Variants in TENM3 observed in about 807,000 individuals in gnomAD.
The protein encoded by TENM3 is teneurin-3.
In TENM3, 63 loss-of-function variants were observed where a neutral mutation model predicts 255.1. The ratio of observed to expected loss-of-function variants is 0.25; its 90% CI spans 0.20 to 0.30. The LOEUF (loss-of-function observed/expected upper bound fraction) is 0.30, where lower values mean the gene tolerates loss of function less well. Ranked by LOEUF, TENM3 falls within the 10% of genes least tolerant of loss-of-function variation. TENM3 has a pLI of 1.00. For synonymous variants in TENM3, 1,306 were observed against 1,322.3 expected, an observed-to-expected ratio of 0.99 and a Z score of 0.27; for missense variants, 2,929 against 3,461.1, an observed-to-expected ratio of 0.85 and a Z score of 3.86.
At chr4:181,784,421 T>A in the TENM3 span, among the ~76,000 whole-genome samples, 21 of 152,074 alleles carry the variant, frequency 1.4e-4, no homozygotes, top group Non-Finnish European at 2.5e-4. Context: ...TAATAATTTT[T>A]AAAAATATAT....
At chr4:181,570,460 C>A in the TENM3 span, among the ~76,000 whole-genome samples, 43,904 of 151,292 alleles carry the variant, frequency 0.29, 6,481 homozygotes, top group Non-Finnish European at 0.33. Context: ...ATGATCACAC[C>A]ATTGCACTAC....
At chr4:181,747,579 A>G in the TENM3 span, among the ~76,000 whole-genome samples, 3 of 151,964 alleles carry the variant, frequency 2.0e-5, no homozygotes, top group African/African-American at 7.2e-5. Flanking sequence ...TGATTTAAAT[A>G]TTTTATTTGA....
At chr4:181,863,862 T>C in the TENM3 span, among the ~76,000 whole-genome samples, 1 of 152,096 alleles carries the variant, frequency 6.6e-6, no homozygotes, top group Non-Finnish European at 1.5e-5. Context: ...ACAATCAACA[T>C]ATTATAATAT....
intron 5 of TENM3, among the ~76,000 whole-genome samples, chr4:182,632,446 C>G (rs1751458064): frequency 6.6e-6 from 1 of 152,118 alleles, no homozygotes; most frequent in Admixed American, 6.6e-5. Context: ...TTTTATTATG[C>G]ATATTTTTAA....
At chr4:181,985,139 T>C in the TENM3 span, among the ~76,000 whole-genome samples, 4 of 152,028 alleles carry the variant, frequency 2.6e-5, no homozygotes, top group East Asian at 7.7e-4. Flanking sequence ...AAAGTATGTA[T>C]TTTGCTGCTT....
chr4:181,728,787 G>A, the TENM3 span, among the ~76,000 whole-genome samples: 1 of 152,122 alleles, frequency 6.6e-6, no homozygotes, highest in Non-Finnish European at 1.5e-5. Flanking sequence ...ATGCAGCCCA[G>A]CAGGTCTCAG....
the TENM3 span, among the ~76,000 whole-genome samples, chr4:182,027,249 A>G: frequency 6.6e-6 from 1 of 152,042 alleles, no homozygotes; most frequent in Non-Finnish European, 1.5e-5. Context: ...TGTAAATGGG[A>G]TTACTTTTTT....
chr4:181,858,734 C>T, the TENM3 span, among the ~76,000 whole-genome samples: 1 of 152,144 alleles, frequency 6.6e-6, no homozygotes, highest in African/African-American at 2.4e-5. Flanking sequence ...AAGAAAGGTA[C>T]AGCTTTTTCA....
the TENM3 span, among the ~76,000 whole-genome samples, chr4:181,799,166 C>A: frequency 1.3e-5 from 2 of 152,184 alleles, no homozygotes; most frequent in African/African-American, 4.8e-5. Flanking sequence ...TTTTGAGCAG[C>A]AGCAATTAGA....
At chr4:181,814,988 A>C in the TENM3 span, among the ~76,000 whole-genome samples, 5 of 152,336 alleles carry the variant, frequency 3.3e-5, no homozygotes, top group Admixed American at 1.3e-4. Context: ...TTAAATCTGA[A>C]AAAGGCCTAT....
At chr4:182,670,795 T>C (rs2152548002) in intron 6 of TENM3, among the ~76,000 whole-genome samples, 1 of 152,314 alleles carries the variant, frequency 6.6e-6, no homozygotes, top group East Asian at 1.9e-4. Flanking sequence ...TCTTCAATTC[T>C]GTTTCTCTTG....
At chr4:181,857,756 C>T in the TENM3 span, among the ~76,000 whole-genome samples, 1 of 151,714 alleles carries the variant, frequency 6.6e-6, no homozygotes, top group African/African-American at 2.4e-5. Flanking sequence ...GATCCTGTTC[C>T]CCCAAACAAA....
chr4:181,553,473 G>T, the TENM3 span, among the ~76,000 whole-genome samples: 11 of 151,868 alleles, frequency 7.2e-5, no homozygotes, highest in South Asian at 1.9e-3. Flanking sequence ...GCGGAGTCTG[G>T]CTCTGTCGCC....
chr4:182,535,129 C>T lies in TENM3; in HGVS notation c.512-65795C>T, dbSNP rs62339061. 8.6e-3 allele frequency among the ~76,000 whole-genome samples: 1,303 copies of T among 152,282 alleles called. 8 individuals are homozygous for T. Among genetic ancestry groups the T allele is most frequent in the Middle Eastern group, 0.014 (4 of 294 alleles). On this transcript the variant is annotated intron_variant, in intron 3 of 27. Coordinates refer to ENST00000511685, the MANE Select transcript of TENM3 (RefSeq NM_001080477.4). ...GGTAGCGTGGATTATAATAAGAAAA[C>T]AACAACCAAGCTGTACATTTTCCTT...
At chr4:182,354,446 G>GA (rs1287948733) in intron 3 of TENM3, among the ~76,000 whole-genome samples, 2 of 152,136 alleles carry the variant, frequency 1.3e-5, no homozygotes, top group Non-Finnish European at 2.9e-5. Context: ...CACTGAAATA[G>GA]AAAAAATAAG....
intron 6 of TENM3, among the ~76,000 whole-genome samples, chr4:182,660,438 G>T (rs959909707): frequency 6.6e-6 from 1 of 152,154 alleles, no homozygotes; most frequent in Non-Finnish European, 1.5e-5. Context: ...TCTTTATAGG[G>T]TAATATAAAG....
At chr4:181,536,208 A>T in the TENM3 span, among the ~76,000 whole-genome samples, 1 of 152,174 alleles carries the variant, frequency 6.6e-6, no homozygotes, top group Non-Finnish European at 1.5e-5. Context: ...CATTTCTACT[A>T]ATTAGATGCC....
chr4:182,336,548 C>A (rs1423027673), intron 2 of TENM3, among the ~76,000 whole-genome samples: 2 of 152,178 alleles, frequency 1.3e-5, no homozygotes, highest in African/African-American at 4.8e-5. Flanking sequence ...AAAAATAATT[C>A]CTGCTTCGGA....
In TENM3 at chr4:182,157,273, G is replaced by A. The variant is rs543503436; in HGVS notation, c.-76+12519G>A. Reference sequence around the variant, plus strand: ...CTTTCCCCCCAACCCAGTCGAGGCCGGAGATACCCAACAAAGTGGGGCATT... The same window carrying A: ...CTTTCCCCCCAACCCAGTCGAGGCCAGAGATACCCAACAAAGTGGGGCATT... On this transcript the variant is annotated intron_variant, in intron 1 of 2. Transcript: ENST00000512480. Among the ~76,000 whole-genome samples, 10 of 152,298 alleles carry A rather than the reference G, an allele frequency of 6.6e-5. No individual in the cohort carries two copies. The South Asian group carries it at 1.2e-3, about 19-fold the overall frequency.
Sources: gnomAD v4.1 joint callset for allele counts (sites outside exome capture counted in the v4.1 genomes callset) on GRCh38, gnomAD v4.1.1 for gene constraint, MANE v1.5 for transcripts, NCBI Gene and HGNC (gene_info 2026-07-23, HGNC 2026-07-21) for gene names.